The following DENND2B variants were observed in gnomAD, a reference collection of about 807,000 sequenced individuals.
DENND2B encodes the protein DENN domain containing 2B.
A neutral mutation model predicts 116.0 loss-of-function variants in DENND2B; 32 were observed. The ratio of observed to expected loss-of-function variants is 0.28; its 90% CI spans 0.21 to 0.37. The LOEUF is 0.37. Among genes scored for constraint, DENND2B ranks in the 10% least tolerant of loss-of-function variants. The pLI, the probability that DENND2B is intolerant of heterozygous loss-of-function variation, is 1.00. For synonymous variants in DENND2B, 588 were observed against 583.9 expected, an observed-to-expected ratio of 1.01 and a Z score of -0.10; for missense variants, 1,276 against 1,477.7, an observed-to-expected ratio of 0.86 and a Z score of 2.24.
intron 1 of DENND2B, among the ~76,000 whole-genome samples, chr11:8,897,622 A>G (rs895610597): frequency 1.3e-5 from 2 of 152,222 alleles, no homozygotes; most frequent in East Asian, 1.9e-4. Context: ...AAAGACAGCC[A>G]TAGTGGAACC....
At position 8,799,130 on chromosome 11, in the gene DENND2B, T is replaced by C. The variant is rs543063652; in HGVS notation, c.-26+11387A>G. ...AGCCATTGCACCCTGCCCTGGTTGC[T>C]TTCTTTTTAACCTGGATCCCTGCCA... On this transcript the variant is annotated intron_variant, in intron 1 of 19. Coordinates refer to ENST00000313726, the MANE Select transcript of DENND2B (RefSeq NM_213618.2). 9.3e-4 allele frequency among the ~76,000 whole-genome samples: 141 copies of C among 152,262 alleles called. 1 individual carries two copies. Among genetic ancestry groups the C allele is most frequent in the South Asian group, 6.8e-3 (33 of 4,826 alleles).
intron 2 of DENND2B, among the ~76,000 whole-genome samples, chr11:8,746,120 A>G (rs1458239334): frequency 2.3e-5 from 2 of 87,414 alleles, no homozygotes; most frequent in Admixed American, 1.9e-4. Flanking sequence ...GGGCCTCCTA[A>G]GGGGGGCCTG....
At chr11:8,699,906 T>C (rs2133699750) in intron 14 of DENND2B, 1 of 456,272 alleles carries the variant, frequency 2.2e-6, no homozygotes, top group Non-Finnish European at 4.4e-6. Context: ...AGGAAGGACA[T>C]CTTTTCCAAG....
chr11:8,855,158 GAAAGAAAAGAAA>G (rs68011426), intron 3 of DENND2B, among the ~76,000 whole-genome samples: 31,160 of 142,274 alleles, frequency 0.22, 3,712 homozygotes, highest in Middle Eastern at 0.37. Flanking sequence ...AGAAGAAAAA[GAAAGAAAAGAAA>G]AAAGAAAAGA....
At chr11:8,808,182 C>T (rs1346145494) in intron 1 of DENND2B, 1 of 152,280 alleles carries the variant, frequency 6.6e-6, no homozygotes, top group Non-Finnish European at 1.5e-5. Context: ...GGAGCAATAA[C>T]ACTTTCTCCC....
intron 3 of DENND2B, among the ~76,000 whole-genome samples, chr11:8,852,268 T>C (rs955451212): frequency 1.3e-5 from 2 of 152,176 alleles, no homozygotes; most frequent in Non-Finnish European, 2.9e-5. Context: ...GAATGTCACA[T>C]TAAAGGGTGG....
At chr11:8,897,533 A>G (rs905676188) in intron 1 of DENND2B, among the ~76,000 whole-genome samples, 1 of 152,170 alleles carries the variant, frequency 6.6e-6, no homozygotes, top group Non-Finnish European at 1.5e-5. Flanking sequence ...GAAAGTCAAT[A>G]TCATTGCTGG....
chr11:8,773,430 A>G lies in DENND2B; in HGVS notation c.-25-22705T>C, dbSNP rs373088013. Among the ~76,000 whole-genome samples, 24 of 152,300 alleles carry G rather than the reference A, an allele frequency of 1.6e-4. No homozygotes were observed. The East Asian group carries it at 3.3e-3, about 21-fold the overall frequency. The stretch of plus-strand genomic sequence containing the variant: ...CTCCATGCCATCAAACATGAGCTGA[A>G]AATATTAACACTCCCCTGTCATAGC... On this transcript the variant is annotated intron_variant, in intron 1 of 19. Coordinates refer to ENST00000313726, the MANE Select transcript of DENND2B (RefSeq NM_213618.2).
At chr11:8,908,714 G>C (rs551147903) in intron 1 of DENND2B, among the ~76,000 whole-genome samples, 161 of 152,266 alleles carry the variant, frequency 1.1e-3, no homozygotes, top group African/African-American at 3.8e-3. Context: ...GCTGAACATA[G>C]TCTCCTAAGC....
intron 2 of DENND2B, among the ~76,000 whole-genome samples, chr11:8,864,676 AC>A (rs1185847988): frequency 6.6e-6 from 1 of 152,190 alleles, no homozygotes; most frequent in Non-Finnish European, 1.5e-5. Flanking sequence ...GCCCGTACAC[AC>A]CCCAGTGCTT....
At chr11:8,839,053 G>A (rs2062531987) in intron 4 of DENND2B, among the ~76,000 whole-genome samples, 1 of 152,202 alleles carries the variant, frequency 6.6e-6, no homozygotes, top group African/African-American at 2.4e-5. Context: ...TAACTTTCCA[G>A]TGAAGAAAAA....
At chr11:8,854,201 T>C (rs970093142) in intron 3 of DENND2B, among the ~76,000 whole-genome samples, 1 of 151,164 alleles carries the variant, frequency 6.6e-6, no homozygotes, top group Admixed American at 6.6e-5. Flanking sequence ...TATTTATTTA[T>C]GTATTTATTT....
chr11:8,726,856 G>GA (rs1354383120), intron 3 of DENND2B, among the ~76,000 whole-genome samples: 2 of 152,260 alleles, frequency 1.3e-5, no homozygotes, highest in African/African-American at 4.8e-5. Context: ...GTTGAAGCAG[G>GA]AAGGGCTGAG....
rs2048054193 is a variant in DENND2B, at chr11:8,731,061, G to C, written c.229C>G (p.Pro77Ala). The C allele has an allele frequency of 6.2e-7, 1 of 1,613,840 alleles. No homozygotes were observed. The highest frequency in any genetic ancestry group is 1.3e-5 in the African/African-American group (1 of 74,926). ...LKDRHPPAPS[P>A]QNPQDPSPDT... is the part of the protein sequence containing the mutation. Reference sequence around the variant, plus strand: ...GGGGAGGGATCTTGAGGATTCTGGGGTGAAGGAGCTGGGGGGTGCCGGTCC... The same window carrying C: ...GGGGAGGGATCTTGAGGATTCTGGGCTGAAGGAGCTGGGGGGTGCCGGTCC... The change falls in exon 3 of 20, where the codon CCC becomes GCC. Residue 77 changes from proline (P) to alanine (A), a missense_variant. Pro to Ala is a conservative substitution (Grantham distance 27). Coordinates refer to ENST00000313726, the MANE Select transcript of DENND2B (RefSeq NM_213618.2).
At chr11:8,699,987 T>C (rs2041226769) in intron 14 of DENND2B, 1 of 456,222 alleles carries the variant, frequency 2.2e-6, no homozygotes, top group Non-Finnish European at 4.4e-6. Flanking sequence ...CCTCCCAGAA[T>C]GGTCCTGGAA....
intron 3 of DENND2B, among the ~76,000 whole-genome samples, chr11:8,727,198 T>G (rs529306381): frequency 6.6e-6 from 1 of 152,312 alleles, no homozygotes; most frequent in Non-Finnish European, 1.5e-5. Flanking sequence ...CTCCCACCCA[T>G]GAACACCTCC....
intron 3 of DENND2B, among the ~76,000 whole-genome samples, chr11:8,852,282 T>A (rs2063035252): frequency 6.6e-6 from 1 of 152,186 alleles, no homozygotes. Context: ...AGGGTGGAAT[T>A]ATCCTGTCAA....
chr11:8,714,577 A>G, intron 7 of DENND2B, 33 bp downstream of exon 7: 1 of 1,593,780 alleles, frequency 6.3e-7, no homozygotes. Context: ...AAGGGCCCCA[A>G]ACAGCTGAAC....
chr11:8,812,853 A>G (rs6484547), upstream of DENND2B, among the ~76,000 whole-genome samples: 144,495 of 152,284 alleles, frequency 0.95, 69,012 homozygotes, highest in East Asian at 1. Flanking sequence ...TGGGACAGTT[A>G]ATACCCTCCC....
Sources: allele counts gnomAD v4.1 joint callset (sites outside exome capture counted in the v4.1 genomes callset), GRCh38; gene constraint gnomAD v4.1.1; transcripts MANE v1.5; gene names NCBI Gene and HGNC (gene_info 2026-07-23, HGNC 2026-07-21).